PIP5K1A: variants seen among roughly 807,000 people sequenced by gnomAD.
The protein encoded by PIP5K1A is phosphatidylinositol-4-phosphate 5-kinase type 1 alpha.
Under a neutral mutation model 72.9 loss-of-function variants are expected in PIP5K1A, and 46 were observed. That is an observed-to-expected ratio of 0.63 (90% CI 0.50 to 0.81). The LOEUF is 0.81. PIP5K1A is among the 30% of genes least tolerant of loss of function. PIP5K1A has a pLI of 0.00. For synonymous variants in PIP5K1A, 228 were observed against 255.1 expected (o/e 0.89, Z 1.01); for missense variants, 458 against 706.1 (o/e 0.65, Z 3.98).
At position 151,238,216 on chromosome 1, in the gene PIP5K1A, G is replaced by T. The variant is rs587652042; in HGVS notation, c.1180G>T (p.Glu394Ter). The T allele has an allele frequency of 6.2e-7, 1 of 1,613,130 alleles. No individual in the cohort carries two copies. The highest frequency in any genetic ancestry group is 1.7e-5 in the Admixed American group (1 of 59,988). Residue 394 changes from glutamate (E) to a stop codon, truncating the protein, a stop_gained, in exon 10 of 16, where the codon GAA becomes TAA. Coordinates refer to ENST00000368888, the MANE Select transcript of PIP5K1A (RefSeq NM_001135638.2). LOFTEE classifies it high-confidence loss of function. ...GGIPARNSKG[E>*]RLLLYIGIID... The stretch of plus-strand genomic sequence containing the variant: ...CATCCCTGCCCGGAATAGTAAAGGG[G>T]AAAGGCTTCTGCTTTATATTGGCAT...
rs144139236 is a variant in PIP5K1A at position 151,225,051 on chromosome 1, C to A, written c.156+645C>A. On this transcript the variant is annotated intron_variant, in intron 3 of 15. Coordinates refer to ENST00000368888, the MANE Select transcript of PIP5K1A (RefSeq NM_001135638.2). ...ATATCAGGTCTTAAGATTGGGACAT[C>A]CAGCCAGTCACGGTTGCTCATGCTT... Among the ~76,000 whole-genome samples the A allele has an allele frequency of 4.5e-3, 688 of 152,280 alleles. 6 individuals carry two copies. Among genetic ancestry groups the A allele is most frequent in the African/African-American group, 0.016 (653 of 41,544 alleles).
At chr1:151,203,564 G>A (rs368651697) in intron 1 of PIP5K1A, among the ~76,000 whole-genome samples, 7 of 150,066 alleles carry the variant, frequency 4.7e-5, no homozygotes, top group Admixed American at 2.0e-4. Flanking sequence ...AGTAGCTCAC[G>A]CCTGTAATCC....
chr1:151,199,312 T>C, intron 1 of PIP5K1A: 1 of 793,564 alleles, frequency 1.3e-6, no homozygotes. Context: ...CGGATGGAGA[T>C]TGAAGGTGGG....
chr1:151,229,370 T>G (rs1345468313), intron 4 of PIP5K1A, among the ~76,000 whole-genome samples: 2 of 150,404 alleles, frequency 1.3e-5, no homozygotes, highest in African/African-American at 4.9e-5. Context: ...CTTTTTTTTT[T>G]TTTTTTTCCT....
At chr1:151,196,279 A>G (rs973349921), upstream of PIP5K1A, among the ~76,000 whole-genome samples, 2 of 152,202 alleles carry the variant, frequency 1.3e-5, no homozygotes, top group South Asian at 2.1e-4. Flanking sequence ...TATTCAACAA[A>G]TATTTATTTA....
intron 1 of PIP5K1A, among the ~76,000 whole-genome samples, chr1:151,219,364 G>C (rs1408732696): frequency 7.1e-6 from 1 of 141,290 alleles, no homozygotes; most frequent in Non-Finnish European, 1.5e-5. Context: ...CTGGGCAACA[G>C]AGCAAGACTC....
rs1345729881 is a variant in PIP5K1A, at chr1:151,242,189, G to A, written c.1430G>A (p.Gly477Asp). 1 of 1,613,988 alleles carries A rather than the reference G, an allele frequency of 6.2e-7. No individual in the cohort carries two copies. The highest frequency in any genetic ancestry group is 8.5e-7 in the Non-Finnish European group (1 of 1,179,908). The change falls in exon 13 of 16, where the codon GGC (glycine) becomes GAC (aspartate). Residue 477 changes from glycine to aspartate, a missense_variant. Physicochemically the swap from Gly to Asp is moderately conservative, Grantham distance 94 (BLOSUM62 -1). Transcript: ENST00000368888. Reference sequence around the variant, plus strand: ...TTCTCTCGGCGAGCAGGCTCCAGTGGCAACTCCTGCATTACTTACCAGCCA... The same window carrying A: ...TTCTCTCGGCGAGCAGGCTCCAGTGACAACTCCTGCATTACTTACCAGCCA... The part of the protein sequence containing the change: ...SSFSRRAGSS[G>D]NSCITYQPSV...
chr1:151,198,448 C>T (rs1196402562), upstream of PIP5K1A: 3 of 223,842 alleles, frequency 1.3e-5, no homozygotes, highest in Non-Finnish European at 2.8e-5. Flanking sequence ...CGTGAGGACC[C>T]ACCTCACGTG....
Position 151,246,971 on chromosome 1 carries a change from T to C in PIP5K1A, c.1686+6T>C. 1.2e-6 allele frequency: 2 copies of C among 1,611,542 alleles called. No individual in the cohort carries two copies. Among genetic ancestry groups the C allele is most frequent in the Non-Finnish European group, 1.7e-6 (2 of 1,177,714 alleles). ...CAGAGTCAGAGTTCACCCATGTGAG[T>C]ATCTGGGATGTGTGGGAGGTGAACG... On this transcript the variant is annotated splice_donor_region_variant and intron_variant, in intron 15 of 15. Coordinates refer to ENST00000368888, the MANE Select transcript of PIP5K1A (RefSeq NM_001135638.2).
At chr1:151,212,559 A>G (rs1686969430) in intron 1 of PIP5K1A, among the ~76,000 whole-genome samples, 1 of 151,440 alleles carries the variant, frequency 6.6e-6, no homozygotes, top group African/African-American at 2.4e-5. Flanking sequence ...TTTCTGTGAC[A>G]TGGTGTGATG....
chr1:151,200,519 G>C (rs1416116406), intron 1 of PIP5K1A, among the ~76,000 whole-genome samples: 1 of 152,112 alleles, frequency 6.6e-6, no homozygotes, highest in African/African-American at 2.4e-5. Flanking sequence ...GACGCTGCCA[G>C]ATGTTGGATG....
intron 1 of PIP5K1A, among the ~76,000 whole-genome samples, chr1:151,217,573 T>A (rs1476106751): frequency 6.6e-6 from 1 of 152,094 alleles, no homozygotes; most frequent in Non-Finnish European, 1.5e-5. Context: ...TTAATTTTAT[T>A]AATGTATTAA....
At chr1:151,213,361 A>G (rs376307795) in intron 1 of PIP5K1A, among the ~76,000 whole-genome samples, 1 of 152,210 alleles carries the variant, frequency 6.6e-6, no homozygotes, top group African/African-American at 2.4e-5. Flanking sequence ...TTCTGGAATT[A>G]TTTTAGTAAC....
chr1:151,198,311 T>C (rs752044863), upstream of PIP5K1A, among the ~76,000 whole-genome samples: 6 of 152,052 alleles, frequency 3.9e-5, no homozygotes, highest in Admixed American at 6.6e-5. Flanking sequence ...GACCGACTCT[T>C]GTCCCGAGTT....
chr1:151,234,600 A>G (rs1690588864), intron 8 of PIP5K1A, 104 bp downstream of exon 8: 9 of 853,644 alleles, frequency 1.1e-5, no homozygotes, highest in Non-Finnish European at 1.4e-5. Flanking sequence ...TTAGCACTGT[A>G]TGTCCTGGGC....
chr1:151,249,237 T>G lies in PIP5K1A; in HGVS notation c.*1372T>G, dbSNP rs1332382425. 5.9e-5 allele frequency: 9 copies of G among 152,182 alleles called. No homozygotes were observed. Among genetic ancestry groups the G allele is most frequent in the Non-Finnish European group, 1.3e-4 (9 of 68,036 alleles). 9.4% of individuals were successfully genotyped at this position (152,182 alleles called of 1,614,324 possible). ...GTCTATATTAGACACCCCCAGCCAGTTTCTGGCTGCCTGTCTTTGCTGCCA... is the reference window on the plus strand; with the variant it reads ...GTCTATATTAGACACCCCCAGCCAGGTTCTGGCTGCCTGTCTTTGCTGCCA... On this transcript the variant is annotated 3_prime_UTR_variant, in exon 16 of 16. Coordinates refer to ENST00000368888, the MANE Select transcript of PIP5K1A (RefSeq NM_001135638.2).
At chr1:151,203,535 A>G (rs1015322201) in intron 1 of PIP5K1A, among the ~76,000 whole-genome samples, 1 of 151,664 alleles carries the variant, frequency 6.6e-6, no homozygotes, top group Non-Finnish European at 1.5e-5. Flanking sequence ...ATCTCAAAAA[A>G]AAAAAAAAGG....
intron 3 of PIP5K1A, 21 bp from the exon 4 acceptor site, chr1:151,227,299 T>C: frequency 2.6e-6 from 4 of 1,525,454 alleles, no homozygotes; most frequent in Non-Finnish European, 9.1e-7. Flanking sequence ...AATTGTATTA[T>C]AATCTTGACT....
At chr1:151,224,605 CA>C (rs1490656739) in intron 3 of PIP5K1A, among the ~76,000 whole-genome samples, 199 bp downstream of exon 3, 1 of 152,116 alleles carries the variant, frequency 6.6e-6, no homozygotes, top group African/African-American at 2.4e-5. Flanking sequence ...ATCTGTTTTA[CA>C]GATGAAGAAA....
Sources: gnomAD v4.1 joint callset for allele counts (sites outside exome capture counted in the v4.1 genomes callset) on GRCh38, gnomAD v4.1.1 for gene constraint, MANE v1.5 for transcripts, NCBI Gene and HGNC (gene_info 2026-07-23, HGNC 2026-07-21) for gene names.